SAMD5: variants seen among roughly 807,000 people sequenced by gnomAD.
SAMD5 encodes sterile alpha motif domain-containing protein 5.
SAMD5 carries 13 observed loss-of-function variants against 11.3 expected under a neutral mutation model. The observed-to-expected ratio is 1.15, with a 90% CI of 0.75 to 1.83. SAMD5 has a LOEUF of 1.83. Ranked by LOEUF, SAMD5 falls within the 40% of genes most tolerant of loss-of-function variation. SAMD5 has a pLI of 0.00. For synonymous variants in SAMD5, 129 were observed against 111.3 expected, an observed-to-expected ratio of 1.16 and a Z score of -1.00; for missense variants, 255 against 239.1, an observed-to-expected ratio of 1.07 and a Z score of -0.44.
chr6:147,628,160 G>A (rs1790086688), intron 1 of SAMD5, among the ~76,000 whole-genome samples: 1 of 152,162 alleles, frequency 6.6e-6, no homozygotes, highest in Non-Finnish European at 1.5e-5. Context: ...TCCAGTCACA[G>A]GCTCTTGGTA....
the SAMD5 span, among the ~76,000 whole-genome samples, chr6:147,878,248 T>C: frequency 6.6e-6 from 1 of 152,016 alleles, no homozygotes; most frequent in Non-Finnish European, 1.5e-5. Context: ...CTCTTCCTGA[T>C]TCATAGATAG....
chr6:147,876,751 G>A, the SAMD5 span, among the ~76,000 whole-genome samples: 1 of 152,150 alleles, frequency 6.6e-6, no homozygotes. Flanking sequence ...CTTTTTTGGG[G>A]AGTTCCTATT....
the SAMD5 span, among the ~76,000 whole-genome samples, chr6:147,836,319 G>A: frequency 6.6e-6 from 1 of 152,062 alleles, no homozygotes; most frequent in Non-Finnish European, 1.5e-5. Context: ...ATGCGCTTTT[G>A]GAGTCCTTTG....
the SAMD5 span, among the ~76,000 whole-genome samples, chr6:147,911,888 A>G: frequency 1.3e-5 from 2 of 152,180 alleles, no homozygotes; most frequent in Non-Finnish European, 2.9e-5. Flanking sequence ...GAAGGGCCTC[A>G]CTCACCTGTC....
chr6:147,522,178 T>C (rs1339927281), intron 1 of SAMD5, among the ~76,000 whole-genome samples: 1 of 152,204 alleles, frequency 6.6e-6, no homozygotes, highest in Admixed American at 6.5e-5. Context: ...ACAGCTCTTA[T>C]TTCTTTCTTC....
the SAMD5 span, among the ~76,000 whole-genome samples, chr6:147,870,705 CAG>C: frequency 6.8e-6 from 1 of 146,978 alleles, no homozygotes; most frequent in African/African-American, 2.5e-5. Context: ...CACATCAAGA[CAG>C]AGCAGAAATG....
chr6:147,908,960 G>A, the SAMD5 span, among the ~76,000 whole-genome samples: 1 of 152,134 alleles, frequency 6.6e-6, no homozygotes, highest in African/African-American at 2.4e-5. Flanking sequence ...TATAATCCCA[G>A]CACTTTGGGA....
chr6:147,813,984 C>T, the SAMD5 span, among the ~76,000 whole-genome samples: 20 of 152,282 alleles, frequency 1.3e-4, no homozygotes, highest in Middle Eastern at 3.4e-3. Context: ...GTTGTGTTTA[C>T]TCTATTCTTT....
the SAMD5 span, among the ~76,000 whole-genome samples, chr6:147,893,390 G>A: frequency 8.5e-3 from 1,292 of 152,088 alleles, 20 homozygotes; most frequent in African/African-American, 0.03. Context: ...TCTGACTCCC[G>A]AGCTCATGGT....
chr6:147,591,891 C>T (rs1049030677), intron 1 of SAMD5, among the ~76,000 whole-genome samples: 3 of 152,014 alleles, frequency 2.0e-5, no homozygotes, highest in Non-Finnish European at 4.4e-5. Flanking sequence ...CTGAGAAGGG[C>T]TCAGGAGGCG....
the SAMD5 span, among the ~76,000 whole-genome samples, chr6:147,769,915 C>G: frequency 6.6e-6 from 1 of 152,138 alleles, no homozygotes; most frequent in Non-Finnish European, 1.5e-5. Context: ...GCAGAGTGTG[C>G]ATGAATCCAG....
the SAMD5 span, among the ~76,000 whole-genome samples, chr6:147,817,992 A>G: frequency 6.6e-6 from 1 of 152,244 alleles, no homozygotes; most frequent in Non-Finnish European, 1.5e-5. Context: ...AGAAATCTTT[A>G]TGAAAATTTA....
intron 1 of SAMD5, among the ~76,000 whole-genome samples, chr6:147,652,276 G>GT (rs36000156): frequency 0.41 from 62,548 of 151,762 alleles, 14,880 homozygotes; most frequent in Middle Eastern, 0.55. Flanking sequence ...ATAGCTGAAG[G>GT]TTTTTTTGTT....
At chr6:147,548,895 A>G (rs1361347337) in intron 1 of SAMD5, among the ~76,000 whole-genome samples, 1 of 152,028 alleles carries the variant, frequency 6.6e-6, no homozygotes, top group Non-Finnish European at 1.5e-5. Context: ...CAGGAGTATT[A>G]TGTGTCTTAA....
intron 1 of SAMD5, among the ~76,000 whole-genome samples, chr6:147,696,183 G>A (rs1374365021): frequency 6.6e-6 from 1 of 151,916 alleles, no homozygotes; most frequent in Non-Finnish European, 1.5e-5. Context: ...CATGATCCCT[G>A]GTACCCCACT....
At chr6:147,576,683 C>T (rs954025388) in intron 1 of SAMD5, among the ~76,000 whole-genome samples, 2 of 152,162 alleles carry the variant, frequency 1.3e-5, no homozygotes, top group African/African-American at 4.8e-5. Context: ...TGTTACTGAT[C>T]CATTTTACAG....
chr6:147,747,367 A>G, the SAMD5 span, among the ~76,000 whole-genome samples: 1 of 152,328 alleles, frequency 6.6e-6, no homozygotes, highest in East Asian at 1.9e-4. Flanking sequence ...TCAGGGCATG[A>G]AGGCAACAAG....
At chr6:147,859,819 G>A in the SAMD5 span, among the ~76,000 whole-genome samples, 1 of 151,794 alleles carries the variant, frequency 6.6e-6, no homozygotes, top group Non-Finnish European at 1.5e-5. Flanking sequence ...TTTATCTCTG[G>A]CATTCATTTA....
the SAMD5 span, among the ~76,000 whole-genome samples, chr6:147,918,202 A>T: frequency 6.6e-6 from 1 of 152,192 alleles, no homozygotes; most frequent in African/African-American, 2.4e-5. Context: ...TGAGCATGGA[A>T]TGTTCTTCCA....
Sources: gnomAD v4.1 joint callset for allele counts (sites outside exome capture counted in the v4.1 genomes callset) on GRCh38, gnomAD v4.1.1 for gene constraint, MANE v1.5 for transcripts, NCBI Gene and HGNC (gene_info 2026-07-23, HGNC 2026-07-21) for gene names.